The following CHSY3 variants were observed in gnomAD, a reference collection of about 807,000 sequenced individuals.
CHSY3 encodes chondroitin sulfate synthase 3.
CHSY3 carries 35 observed loss-of-function variants against 67.2 expected under a neutral mutation model. The observed-to-expected ratio is 0.52, with a 90% confidence interval of 0.40 to 0.69. The LOEUF is 0.69. CHSY3 is among the 30% of genes least tolerant of loss of function. The pLI, the probability that CHSY3 is intolerant of heterozygous loss-of-function variation, is 0.00. For missense variants in CHSY3, 1,069 were observed against 1,138.5 expected (o/e 0.94, Z 0.88); for synonymous variants, 474 against 434.7 (o/e 1.09, Z -1.12).
chr5:130,016,374 T>G (rs192208987), intron 2 of CHSY3, among the ~76,000 whole-genome samples: 15 of 152,342 alleles, frequency 9.8e-5, no homozygotes, highest in Admixed American at 6.5e-4. Context: ...TCCATCATTT[T>G]CAAATAACAT....
chr5:130,169,805 G>T (rs927403260), intron 2 of CHSY3, among the ~76,000 whole-genome samples: 4 of 151,888 alleles, frequency 2.6e-5, no homozygotes, highest in African/African-American at 9.7e-5. Flanking sequence ...TGAAACATAT[G>T]AATTAGAAAG....
At chr5:129,988,498 G>A (rs907798100) in intron 2 of CHSY3, among the ~76,000 whole-genome samples, 3 of 152,146 alleles carry the variant, frequency 2.0e-5, no homozygotes, top group African/African-American at 7.2e-5. Flanking sequence ...GATAGTAAAG[G>A]TTGGCCTCTG....
chr5:130,100,802 A>G (rs921538711), intron 2 of CHSY3, among the ~76,000 whole-genome samples: 1 of 152,236 alleles, frequency 6.6e-6, no homozygotes, highest in Non-Finnish European at 1.5e-5. Context: ...GTTAGTATTC[A>G]GGAAATGTAT....
chr5:129,912,008 A>C (rs1253757496), intron 2 of CHSY3, among the ~76,000 whole-genome samples: 11 of 152,278 alleles, frequency 7.2e-5, no homozygotes, highest in African/African-American at 2.6e-4. Context: ...GTGAGCCGAG[A>C]TAGCCCACTG....
chr5:130,141,286 T>G (rs986167907), intron 2 of CHSY3: 4 of 433,518 alleles, frequency 9.2e-6, no homozygotes, highest in African/African-American at 8.5e-5. Context: ...ACCATTCCTA[T>G]CAAGCAGACA....
chr5:130,095,848 A>G (rs1372337363), intron 2 of CHSY3, among the ~76,000 whole-genome samples: 1 of 152,254 alleles, frequency 6.6e-6, no homozygotes, highest in African/African-American at 2.4e-5. Context: ...AGCCGAGGTT[A>G]ACATAACCAC....
At chr5:129,984,000 G>C (rs1211425155) in intron 2 of CHSY3, among the ~76,000 whole-genome samples, 1 of 152,034 alleles carries the variant, frequency 6.6e-6, no homozygotes, top group African/African-American at 2.4e-5. Flanking sequence ...TGATGATTAA[G>C]TGGAAATTTC....
intron 2 of CHSY3, chr5:130,001,649 A>T: frequency 1.3e-6 from 1 of 783,868 alleles, no homozygotes; most frequent in South Asian, 5.8e-5. Flanking sequence ...GTAGGATAAT[A>T]TGTAGAGAGT....
At chr5:129,919,422 TAG>T (rs1382687107) in intron 2 of CHSY3, among the ~76,000 whole-genome samples, 2 of 152,156 alleles carry the variant, frequency 1.3e-5, no homozygotes, top group Admixed American at 1.3e-4. Flanking sequence ...ACACTGCTGA[TAG>T]AGAGATACAT....
chr5:130,014,244 C>T (rs1443565270), intron 2 of CHSY3, among the ~76,000 whole-genome samples: 1 of 152,204 alleles, frequency 6.6e-6, no homozygotes, highest in Non-Finnish European at 1.5e-5. Flanking sequence ...CCAATGCCTG[C>T]TTGTTACCCA....
chr5:129,974,977 C>CA (rs955110920), intron 2 of CHSY3: 2 of 151,818 alleles, frequency 1.3e-5, no homozygotes, highest in African/African-American at 4.8e-5. Flanking sequence ...TACGCAAGGA[C>CA]AAAAACCCAA....
chr5:130,167,114 C>G (rs566205417), intron 2 of CHSY3, among the ~76,000 whole-genome samples: 3 of 151,970 alleles, frequency 2.0e-5, no homozygotes, highest in African/African-American at 7.2e-5. Flanking sequence ...TCCCCTGCTC[C>G]TTTTTTATTG....
chr5:130,011,450 A>G (rs1764058424), intron 2 of CHSY3, among the ~76,000 whole-genome samples: 1 of 152,200 alleles, frequency 6.6e-6, no homozygotes, highest in Non-Finnish European at 1.5e-5. Context: ...CCCTCAGCAA[A>G]CTAGTCATCA....
chr5:130,097,363 C>A (rs544071779), intron 2 of CHSY3, among the ~76,000 whole-genome samples: 2 of 152,306 alleles, frequency 1.3e-5, no homozygotes, highest in Non-Finnish European at 2.9e-5. Context: ...TTTCGCCTCC[C>A]TCTGTGAGCA....
chr5:130,106,976 T>A (rs550914816), intron 2 of CHSY3, among the ~76,000 whole-genome samples: 1 of 151,656 alleles, frequency 6.6e-6, no homozygotes, highest in African/African-American at 2.4e-5. Context: ...GAGTTGAGAA[T>A]GAATGACATT....
At chr5:130,087,457 T>C (rs1766688190) in intron 2 of CHSY3, among the ~76,000 whole-genome samples, 1 of 151,938 alleles carries the variant, frequency 6.6e-6, no homozygotes, top group African/African-American at 2.4e-5. Context: ...TGATTGTATA[T>C]CTAGAAAACC....
intron 2 of CHSY3, among the ~76,000 whole-genome samples, chr5:129,976,674 T>A (rs1389452355): frequency 5.9e-5 from 9 of 152,052 alleles, no homozygotes; most frequent in Non-Finnish European, 1.2e-4. Flanking sequence ...TATTATATAT[T>A]TTTTAAATGG....
chr5:129,972,134 A>G (rs1225514148), intron 2 of CHSY3, among the ~76,000 whole-genome samples: 1 of 152,072 alleles, frequency 6.6e-6, no homozygotes, highest in African/African-American at 2.4e-5. Flanking sequence ...GAACAAAAAG[A>G]ACTTCAGTGT....
At chr5:130,168,995 T>TA (rs1703784527) in intron 2 of CHSY3, among the ~76,000 whole-genome samples, 1 of 152,114 alleles carries the variant, frequency 6.6e-6, no homozygotes, top group African/African-American at 2.4e-5. Flanking sequence ...TGAATAAATA[T>TA]AGCTGCGAGT....
Sources: allele counts gnomAD v4.1 joint callset (sites outside exome capture counted in the v4.1 genomes callset), GRCh38; gene constraint gnomAD v4.1.1; transcripts MANE v1.5; gene names NCBI Gene and HGNC (gene_info 2026-07-23, HGNC 2026-07-21).